BAZ2A: variants seen among roughly 807,000 people sequenced by gnomAD.
BAZ2A encodes bromodomain adjacent to zinc finger domain protein 2A.
In BAZ2A, 34 loss-of-function variants were observed where a neutral mutation model predicts 199.9. The ratio of observed to expected loss-of-function variants is 0.17; its 90% confidence interval spans 0.13 to 0.23. BAZ2A has a LOEUF of 0.23. Among genes scored for constraint, BAZ2A ranks in the 10% least tolerant of loss-of-function variants. The pLI, the probability that BAZ2A is intolerant of heterozygous loss-of-function variation, is 1.00. For missense variants in BAZ2A, 2,002 were observed against 2,391.1 expected, an observed-to-expected ratio of 0.84 and a Z score of 3.39; for synonymous variants, 857 against 883.9, an observed-to-expected ratio of 0.97 and a Z score of 0.54.
At chr12:56,628,873 G>A (rs897327197) in intron 1 of BAZ2A, among the ~76,000 whole-genome samples, 1 of 152,186 alleles carries the variant, frequency 6.6e-6, no homozygotes, top group Admixed American at 6.5e-5. Context: ...TACATAGAGC[G>A]TACCCCGCTG....
intron 1 of BAZ2A, among the ~76,000 whole-genome samples, chr12:56,625,732 C>T (rs1951069458): frequency 6.6e-6 from 1 of 151,302 alleles, no homozygotes; most frequent in Non-Finnish European, 1.5e-5. Flanking sequence ...AAAAATTAGC[C>T]GGGCATGGTG....
Position 56,611,624 on chromosome 12 carries a change from A to G in BAZ2A, c.1619T>C (p.Met540Thr). 2 of 1,607,668 alleles carry G rather than the reference A, an allele frequency of 1.2e-6. No homozygotes were observed. The highest frequency in any genetic ancestry group is 1.7e-5 in the Admixed American group (1 of 58,284). Reference protein sequence around the residue: ...GLTASGSGDVMRRRIATPEEV... With the variant: ...GLTASGSGDVTRRRIATPEEV... ...TTCTGGGGTAGCAATACGTCTCCTCATGACATCACCTTGGGAGGAAGGGAT... is the reference window on the plus strand; with the variant it reads ...TTCTGGGGTAGCAATACGTCTCCTCGTGACATCACCTTGGGAGGAAGGGAT... Residue 540 changes from methionine (M) to threonine (T), a missense_variant, in exon 7 of 29, where the codon ATG (methionine) becomes ACG (threonine). Met to Thr is a moderately conservative substitution (Grantham distance 81, BLOSUM62 -1). This residue lies in a region of BAZ2A where 641 missense variants were observed against 694.5 expected (regional missense o/e 0.92). Transcript: ENST00000549884.
At chr12:56,626,930 A>T (rs1452025298) in intron 1 of BAZ2A, among the ~76,000 whole-genome samples, 1 of 152,244 alleles carries the variant, frequency 6.6e-6, no homozygotes, top group African/African-American at 2.4e-5. Flanking sequence ...AAGGATGCTG[A>T]CATCAGATGG....
intron 5 of BAZ2A, among the ~76,000 whole-genome samples, chr12:56,612,667 G>A (rs752556520): frequency 2.0e-5 from 3 of 152,180 alleles, no homozygotes; most frequent in African/African-American, 4.8e-5. Flanking sequence ...CTGTTGCCCA[G>A]GTTGGAGTGC....
chr12:56,628,939 A>C (rs1200983193), intron 1 of BAZ2A, among the ~76,000 whole-genome samples: 1 of 152,096 alleles, frequency 6.6e-6, no homozygotes, highest in African/African-American at 2.4e-5. Flanking sequence ...AACAAAACGA[A>C]ACCAGACAGG....
At chr12:56,599,942 C>T (rs1592550976) in intron 25 of BAZ2A, 22 bp downstream of exon 25, 2 of 1,613,708 alleles carry the variant, frequency 1.2e-6, no homozygotes. Context: ...CTCAGCCTCT[C>T]CAGGCTCTCT....
At chr12:56,609,023 A>ACCACCACG (rs58991985) in intron 10 of BAZ2A, among the ~76,000 whole-genome samples, 6,333 of 151,404 alleles carry the variant, frequency 0.042, 441 homozygotes, top group African/African-American at 0.15. Context: ...ACAGGCACAC[A>ACCACCACG]CCACCACGCC....
At chr12:56,636,451 G>A (rs1344678853), upstream of BAZ2A, 4 of 1,171,218 alleles carry the variant, frequency 3.4e-6, no homozygotes, top group Non-Finnish European at 4.5e-6. Flanking sequence ...GGACAGGGCA[G>A]ACCAGGAGAA....
chr12:56,627,164 T>C (rs1951121625), intron 1 of BAZ2A, among the ~76,000 whole-genome samples: 2 of 152,170 alleles, frequency 1.3e-5, no homozygotes, highest in Admixed American at 6.5e-5. Context: ...CTTACGTAGT[T>C]TTCAGAATAG....
At chr12:56,610,762 T>A (rs949087476) in intron 7 of BAZ2A, among the ~76,000 whole-genome samples, 3 of 152,028 alleles carry the variant, frequency 2.0e-5, no homozygotes, top group African/African-American at 7.3e-5. Flanking sequence ...GAGATCTCCA[T>A]CCCTCCTTTA....
intron 1 of BAZ2A, among the ~76,000 whole-genome samples, chr12:56,626,337 A>G (rs1178806023): frequency 6.6e-6 from 1 of 152,252 alleles, no homozygotes; most frequent in Non-Finnish European, 1.5e-5. Context: ...AAACATCATT[A>G]TCAATGACTA....
chr12:56,598,506 G>C lies in BAZ2A; in HGVS notation c.*112C>G, dbSNP rs766760944. 7.3e-7 allele frequency: 1 copy of C among 1,369,716 alleles called. No individual in the cohort carries two copies. The highest frequency in any genetic ancestry group is 1.4e-5 in the South Asian group (1 of 71,192). The allele number at this position is 1,369,716 out of a possible 1,614,324, so 84.8% of individuals were successfully genotyped here. ...GCCAAGGGCAAGGTCAAAAATCAGGGTTGTATCTGACTTGAGTCTGGACCC... is the reference window on the plus strand; with the variant it reads ...GCCAAGGGCAAGGTCAAAAATCAGGCTTGTATCTGACTTGAGTCTGGACCC... On this transcript the variant is annotated 3_prime_UTR_variant, in exon 29 of 29. Coordinates refer to ENST00000549884, the MANE Select transcript of BAZ2A (RefSeq NM_001300905.2).
chr12:56,604,442 C>G, intron 15 of BAZ2A, 143 bp downstream of exon 15: 1 of 1,310,242 alleles, frequency 7.6e-7, no homozygotes, highest in South Asian at 1.4e-5. Context: ...AGGGAGGGCA[C>G]TGCAATTCAG....
chr12:56,605,269 T>A lies in BAZ2A; in HGVS notation c.2552A>T (p.Asp851Val). Residue 851 changes from aspartate to valine, a missense_variant, in exon 14 of 29, where the codon GAC (aspartate) becomes GTC (valine). By Grantham distance (152) the Asp-to-Val change is radical. Transcript: ENST00000549884. ...CAGGAACTCCACAATGGTCAAGCAG[T>A]CTGAGAAGGCTCCACTGGGCAATGT... is the stretch of plus-strand genomic sequence containing the variant. ...GLTLPSGAFS[D>V]CLTIVEFLHS... 6.2e-7 allele frequency: 1 copy of A among 1,613,724 alleles called. No individual in the cohort carries two copies. The highest frequency in any genetic ancestry group is 2.2e-5 in the East Asian group (1 of 44,854).
At chr12:56,603,267 A>T (rs1255947800) in intron 18 of BAZ2A, 92 bp downstream of exon 18, 1 of 1,404,716 alleles carries the variant, frequency 7.1e-7, no homozygotes, top group Non-Finnish European at 9.8e-7. Context: ...CCATCTCAAA[A>T]GAATAAAAAT....
rs921680821 is a variant in BAZ2A, at chr12:56,622,253, T to A, written c.-2-4721A>T. On this transcript the variant is annotated intron_variant, in intron 1 of 28. Coordinates refer to ENST00000549884, the MANE Select transcript of BAZ2A (RefSeq NM_001300905.2). ...TACTCAGGAGGCTGAGGCAGGAGAA[T>A]TGCTTGAATCCAGGAGATGGAGGTT... Among the ~76,000 whole-genome samples, 5 of 151,944 alleles carry A rather than the reference T, an allele frequency of 3.3e-5. No individual in the cohort carries two copies. In the East Asian group the frequency reaches 9.7e-4, roughly 29 times the overall value.
chr12:56,615,304 A>T lies in BAZ2A; in HGVS notation c.440T>A (p.Phe147Tyr). Residue 147 changes from phenylalanine (F) to tyrosine (Y), a missense_variant, in exon 3 of 29, where the codon TTC (phenylalanine) becomes TAC (tyrosine). By Grantham distance (22) the Phe-to-Tyr change is conservative. This residue lies in a region of BAZ2A where 641 missense variants were observed against 694.5 expected (regional missense o/e 0.92). Coordinates refer to ENST00000549884, the MANE Select transcript of BAZ2A (RefSeq NM_001300905.2). ...NTNLRAGSQE[F>Y]WANGTQSPMG... is the part of the protein sequence containing the mutation. ...GGGACTCTGGGTACCGTTGGCCCAG[A>T]ACTCTTGGCTCCCAGCCCGAAGGTT... The T allele has an allele frequency of 6.2e-7, 1 of 1,613,954 alleles. No homozygotes were observed.
At chr12:56,617,567 G>A in intron 1 of BAZ2A, 35 bp from the exon 2 acceptor site, 2 of 1,584,218 alleles carry the variant, frequency 1.3e-6, no homozygotes, top group Non-Finnish European at 1.7e-6. Flanking sequence ...AAAAAATACT[G>A]GCGGTTAAAC....
In BAZ2A at chr12:56,611,964, G is replaced by A. The variant is rs773600707; in HGVS notation, c.1418C>T (p.Ala473Val). 37 of 1,613,162 alleles carry A rather than the reference G, an allele frequency of 2.3e-5. No individual in the cohort carries two copies. Among genetic ancestry groups the A allele is most frequent in the Non-Finnish European group, 3.0e-5 (35 of 1,179,650 alleles). Reference protein sequence around the residue: ...VFSVVSPASSAVLPAVSLEVP... With the variant: ...VFSVVSPASSVVLPAVSLEVP... ...TTCTAAGGAGACTGCTGGGAGGACT[G>A]CTGAGGAAGCTGGAGAGACCACTGA... The change falls in exon 6 of 29, where the codon GCA becomes GTA. Residue 473 changes from alanine (A) to valine (V), a missense_variant. By Grantham distance (64) the Ala-to-Val change is moderately conservative (BLOSUM62 0). Coordinates refer to ENST00000549884, the MANE Select transcript of BAZ2A (RefSeq NM_001300905.2).
Sources: gnomAD v4.1 joint callset for allele counts (sites outside exome capture counted in the v4.1 genomes callset) on GRCh38, gnomAD v4.1.1 for gene constraint, gnomAD v4.1.1 regional missense constraint, MANE v1.5 for transcripts, NCBI Gene and HGNC (gene_info 2026-07-23, HGNC 2026-07-21) for gene names.